Variants in KHDRBS3 observed in about 807,000 individuals in gnomAD.
The protein encoded by KHDRBS3 is KH domain-containing, RNA-binding, signal transduction-associated protein 3.
KHDRBS3 carries 23 observed loss-of-function variants against 45.6 expected under a neutral mutation model. That is an observed-to-expected ratio of 0.50 (90% CI 0.36 to 0.72). The LOEUF is 0.72. Ranked by LOEUF, KHDRBS3 falls within the 30% of genes least tolerant of loss-of-function variation. KHDRBS3 has a pLI of 0.00. For missense variants in KHDRBS3, 352 were observed against 424.8 expected (o/e 0.83, Z 1.51); for synonymous variants, 162 against 156.5 (o/e 1.04, Z -0.26).
intron 2 of KHDRBS3, among the ~76,000 whole-genome samples, chr8:135,528,641 G>A (rs1825314365): frequency 6.6e-6 from 1 of 152,118 alleles, no homozygotes; most frequent in Admixed American, 6.5e-5. Flanking sequence ...AGACCTTTGT[G>A]GTGCTATAGC....
intron 1 of KHDRBS3, among the ~76,000 whole-genome samples, chr8:135,493,469 T>C (rs1823261197): frequency 6.6e-6 from 1 of 152,144 alleles, no homozygotes; most frequent in Non-Finnish European, 1.5e-5. Flanking sequence ...AGAAGTTTCT[T>C]TTTATTCCTG....
intron 2 of KHDRBS3, among the ~76,000 whole-genome samples, chr8:135,533,943 A>G (rs1238555303): frequency 6.6e-6 from 1 of 152,178 alleles, no homozygotes; most frequent in Admixed American, 6.5e-5. Flanking sequence ...CAAATATTGA[A>G]CTGAAATTGA....
chr8:135,552,838 C>CTCGT (rs1333931619), intron 4 of KHDRBS3, among the ~76,000 whole-genome samples: 1 of 152,158 alleles, frequency 6.6e-6, no homozygotes, highest in East Asian at 1.9e-4. Context: ...CCAAGGGGAG[C>CTCGT]TCGTGTTCAG....
chr8:135,460,451 C>T (rs1175668376), intron 1 of KHDRBS3, among the ~76,000 whole-genome samples: 1 of 152,214 alleles, frequency 6.6e-6, no homozygotes, highest in Non-Finnish European at 1.5e-5. Context: ...AGCTGAGGAT[C>T]CCAGCTATCT....
intron 7 of KHDRBS3, among the ~76,000 whole-genome samples, chr8:135,631,332 T>C (rs1039358328): frequency 1.3e-5 from 2 of 152,144 alleles, no homozygotes; most frequent in African/African-American, 4.8e-5. Context: ...TTATAAACTT[T>C]AGTTTTTTAA....
chr8:135,608,430 G>A (rs1321346344), intron 7 of KHDRBS3, among the ~76,000 whole-genome samples: 3 of 152,116 alleles, frequency 2.0e-5, no homozygotes, highest in African/African-American at 4.8e-5. Flanking sequence ...GTTCTGTAAG[G>A]CCTTACAGTG....
Position 135,557,678 on chromosome 8 carries a change from A to G in KHDRBS3, c.611+91A>G. On this transcript the variant is annotated intron_variant, in intron 5 of 8. Transcript: ENST00000355849. Reference sequence around the variant, plus strand: ...AGCCAAAACCAGTTCTATCTGAACAAAACTTGTATTCATGTGGGCATGGTG... The same window carrying G: ...AGCCAAAACCAGTTCTATCTGAACAGAACTTGTATTCATGTGGGCATGGTG... 3 of 956,010 alleles carry G rather than the reference A, an allele frequency of 3.1e-6. No homozygotes were observed. In the Admixed American group the frequency reaches 6.0e-5, roughly 19 times the overall value. The allele number at this position is 956,010 out of a possible 1,614,324, so 59.2% of individuals were successfully genotyped here.
intron 5 of KHDRBS3, among the ~76,000 whole-genome samples, chr8:135,574,354 T>C (rs1426700638): frequency 2.6e-5 from 4 of 152,206 alleles, no homozygotes; most frequent in Non-Finnish European, 5.9e-5. Flanking sequence ...ATTTTCAAAA[T>C]ATCTTTTATA....
intron 1 of KHDRBS3, among the ~76,000 whole-genome samples, chr8:135,461,123 C>T (rs1821408361): frequency 6.6e-6 from 1 of 152,012 alleles, no homozygotes; most frequent in Non-Finnish European, 1.5e-5. Flanking sequence ...TTTTTTGAGA[C>T]GAAGTTGCCC....
intron 1 of KHDRBS3, among the ~76,000 whole-genome samples, chr8:135,466,420 T>C (rs1821702198): frequency 2.6e-5 from 4 of 152,208 alleles, no homozygotes. Context: ...TAGGGATTAG[T>C]GTGCCCTAAA....
chr8:135,509,399 G>A (rs1297877959), intron 1 of KHDRBS3, among the ~76,000 whole-genome samples: 1 of 152,176 alleles, frequency 6.6e-6, no homozygotes, highest in African/African-American at 2.4e-5. Flanking sequence ...ACTCTGAGAA[G>A]TTATGAGGAC....
intron 7 of KHDRBS3, among the ~76,000 whole-genome samples, chr8:135,612,529 A>G (rs899847629): frequency 6.6e-6 from 1 of 151,914 alleles, no homozygotes; most frequent in Non-Finnish European, 1.5e-5. Context: ...GGGCAGTGCC[A>G]TGTAGCACTT....
At chr8:135,530,192 A>C (rs1244800333) in intron 2 of KHDRBS3, among the ~76,000 whole-genome samples, 2 of 152,214 alleles carry the variant, frequency 1.3e-5, no homozygotes, top group African/African-American at 4.8e-5. Flanking sequence ...AAAAGCAAAA[A>C]TATTTTTAGT....
At chr8:135,637,911 T>G (rs1830884571) in intron 7 of KHDRBS3, among the ~76,000 whole-genome samples, 1 of 152,182 alleles carries the variant, frequency 6.6e-6, no homozygotes, top group Non-Finnish European at 1.5e-5. Context: ...AAACAGTAGT[T>G]TGAATCAAGA....
chr8:135,596,001 C>T (rs1586777185), intron 6 of KHDRBS3, among the ~76,000 whole-genome samples: 1 of 151,918 alleles, frequency 6.6e-6, no homozygotes, highest in Non-Finnish European at 1.5e-5. Flanking sequence ...TCTTTGAAGG[C>T]GTGAAAGCTA....
chr8:135,497,560 C>T (rs1312283870), intron 1 of KHDRBS3, among the ~76,000 whole-genome samples: 1 of 152,124 alleles, frequency 6.6e-6, no homozygotes, highest in Non-Finnish European at 1.5e-5. Flanking sequence ...AAACTCTTCT[C>T]TTGGGCGTGA....
chr8:135,469,277 A>G (rs1821854944), intron 1 of KHDRBS3, among the ~76,000 whole-genome samples: 2 of 152,240 alleles, frequency 1.3e-5, no homozygotes, highest in African/African-American at 4.8e-5. Context: ...AGAGTATGCC[A>G]TTAGGAAGGA....
At chr8:135,501,899 C>T (rs1279940205) in intron 1 of KHDRBS3, among the ~76,000 whole-genome samples, 2 of 152,184 alleles carry the variant, frequency 1.3e-5, no homozygotes, top group African/African-American at 4.8e-5. Flanking sequence ...TGAATTCTTT[C>T]ACTGAATTCA....
At chr8:135,566,991 C>T (rs1827452557) in intron 5 of KHDRBS3, among the ~76,000 whole-genome samples, 1 of 152,086 alleles carries the variant, frequency 6.6e-6, no homozygotes, top group Non-Finnish European at 1.5e-5. Flanking sequence ...AGCACAGATC[C>T]TTTAATGGAC....
Sources: allele counts gnomAD v4.1 joint callset (sites outside exome capture counted in the v4.1 genomes callset), GRCh38; gene constraint gnomAD v4.1.1; transcripts MANE v1.5; gene names NCBI Gene and HGNC (gene_info 2026-07-23, HGNC 2026-07-21).